The following ABCA12 variants were observed in gnomAD, a reference collection of about 807,000 sequenced individuals.
ABCA12 encodes glucosylceramide transporter ABCA12.
In ABCA12, 156 loss-of-function variants were observed where a neutral mutation model predicts 293.5. The ratio of observed to expected loss-of-function variants is 0.53; its 90% CI spans 0.47 to 0.61. The LOEUF is 0.61. ABCA12 is among the 20% of genes least tolerant of loss of function. ABCA12 has a pLI of 0.00. For missense variants in ABCA12, 2,797 were observed against 3,090.2 expected (o/e 0.91, Z 2.25); for synonymous variants, 1,063 against 1,108.0 (o/e 0.96, Z 0.81).
chr2:215,074,119 A>G (rs1175162209), intron 2 of ABCA12, among the ~76,000 whole-genome samples: 4 of 152,176 alleles, frequency 2.6e-5, no homozygotes, highest in African/African-American at 9.7e-5. Flanking sequence ...CCTGGGAATG[A>G]ATATTCCATG....
intron 39 of ABCA12, among the ~76,000 whole-genome samples, chr2:214,959,304 C>T (rs189482883): frequency 6.6e-6 from 1 of 151,888 alleles, no homozygotes; most frequent in East Asian, 1.9e-4. Flanking sequence ...TGTTTAGAAC[C>T]TTTGGGAAGG....
chr2:214,994,553 T>C (rs1303227547), intron 23 of ABCA12, among the ~76,000 whole-genome samples: 1 of 152,262 alleles, frequency 6.6e-6, no homozygotes, highest in Non-Finnish European at 1.5e-5. Context: ...GAGCAATGTC[T>C]TCATTCAATT....
intron 2 of ABCA12, among the ~76,000 whole-genome samples, chr2:215,088,942 A>T (rs897301526): frequency 6.6e-6 from 1 of 152,174 alleles, no homozygotes; most frequent in East Asian, 1.9e-4. Flanking sequence ...ATTCATGTAT[A>T]TCATTCATAT....
chr2:215,055,703 G>GGAAAAAGAAAAA (rs71041984), intron 3 of ABCA12, among the ~76,000 whole-genome samples: 1 of 150,518 alleles, frequency 6.6e-6, no homozygotes, highest in Non-Finnish European at 1.5e-5. Context: ...GTTTATAATT[G>GGAAAAAGAAAAA]GAAAAAGAAA....
intron 7 of ABCA12, among the ~76,000 whole-genome samples, chr2:215,037,327 T>A (rs1267033962): frequency 2.0e-5 from 3 of 152,134 alleles, no homozygotes; most frequent in African/African-American, 7.2e-5. Flanking sequence ...TGGAGCAAGG[T>A]TCCCATCAAT....
chr2:215,115,062 A>T (rs1231320061), intron 1 of ABCA12, among the ~76,000 whole-genome samples: 2 of 152,184 alleles, frequency 1.3e-5, no homozygotes, highest in African/African-American at 4.8e-5. Flanking sequence ...AATTAATTTT[A>T]AACATATTTT....
intron 2 of ABCA12, among the ~76,000 whole-genome samples, chr2:215,095,052 C>G (rs561787790): frequency 2.0e-5 from 3 of 152,166 alleles, no homozygotes; most frequent in Admixed American, 2.0e-4. Flanking sequence ...GCCCTGTCCC[C>G]CTCATGACAG....
intron 4 of ABCA12, 50 bp downstream of exon 4, chr2:215,054,523 T>C: frequency 3.5e-6 from 5 of 1,438,996 alleles, no homozygotes; most frequent in Non-Finnish European, 4.9e-6. Context: ...GATTAGACCT[T>C]TACTGTTCCA....
At chr2:215,005,296 G>A (rs1020641749) in intron 19 of ABCA12, among the ~76,000 whole-genome samples, 4 of 152,186 alleles carry the variant, frequency 2.6e-5, no homozygotes, top group Non-Finnish European at 5.9e-5. Flanking sequence ...TTCATCACAT[G>A]TGTAAATTCA....
chr2:215,000,479 A>C (rs1370902264), intron 22 of ABCA12, among the ~76,000 whole-genome samples: 2 of 152,168 alleles, frequency 1.3e-5, no homozygotes, highest in African/African-American at 4.8e-5. Context: ...TTGGAGAGCT[A>C]AGGGTTTTTA....
chr2:215,032,017 T>G, intron 8 of ABCA12, 121 bp from the exon 9 acceptor site: 2 of 1,562,628 alleles, frequency 1.3e-6, no homozygotes, highest in Non-Finnish European at 1.7e-6. Flanking sequence ...TGCAGAATCA[T>G]TCTCAAAAGA....
intron 50 of ABCA12, among the ~76,000 whole-genome samples, chr2:214,940,765 TATA>T (rs899728218): frequency 6.6e-6 from 1 of 152,144 alleles, no homozygotes; most frequent in Non-Finnish European, 1.5e-5. Flanking sequence ...TAGAAGTGTT[TATA>T]GTATTCTCTG....
chr2:215,052,848 T>A (rs752407346), intron 4 of ABCA12, among the ~76,000 whole-genome samples: 1 of 152,096 alleles, frequency 6.6e-6, no homozygotes, highest in Non-Finnish European at 1.5e-5. Context: ...TTCCAGTCGG[T>A]GACATTAAAC....
intron 2 of ABCA12, among the ~76,000 whole-genome samples, chr2:215,096,911 A>C (rs542619383): frequency 8.6e-4 from 131 of 152,268 alleles, no homozygotes; most frequent in Middle Eastern, 3.4e-3. Context: ...CTCATTTCCC[A>C]GTAGAATCTA....
chr2:215,119,389 T>C (rs191072983), intron 1 of ABCA12, among the ~76,000 whole-genome samples: 3 of 152,346 alleles, frequency 2.0e-5, no homozygotes, highest in Admixed American at 2.0e-4. Flanking sequence ...AAGGCCAATG[T>C]TGAGAAGGGT....
chr2:215,116,734 C>T (rs994552399), intron 1 of ABCA12, among the ~76,000 whole-genome samples: 9 of 152,220 alleles, frequency 5.9e-5, no homozygotes, highest in Non-Finnish European at 8.8e-5. Context: ...TCATGCACAA[C>T]CTAATGTGAT....
At position 215,064,196 on chromosome 2, in the gene ABCA12, G is replaced by A; in HGVS notation, c.187C>T (p.Pro63Ser). Residue 63 changes from proline to serine, a missense_variant, in exon 3 of 53, where the codon CCT (proline) becomes TCT (serine). By Grantham distance (74) the Pro-to-Ser change is moderately conservative (BLOSUM62 -1). Coordinates refer to ENST00000272895, the MANE Select transcript of ABCA12 (RefSeq NM_173076.3). Reference sequence around the variant, plus strand: ...AGGAATGGAAAGAATCCAGTACTAGGAAGGTTTCGAGGTGCGAGGTAACCT... The same window carrying A: ...AGGAATGGAAAGAATCCAGTACTAGAAAGGTTTCGAGGTGCGAGGTAACCT... ...PTCYLAPRNL[P>S]STGFFPFLQT... 6.2e-7 allele frequency: 1 copy of A among 1,612,676 alleles called. No individual in the cohort carries two copies. The highest frequency in any genetic ancestry group is 8.5e-7 in the Non-Finnish European group (1 of 1,179,118).
At chr2:215,095,578 C>G (rs1702234084) in intron 2 of ABCA12, among the ~76,000 whole-genome samples, 1 of 152,134 alleles carries the variant, frequency 6.6e-6, no homozygotes, top group Non-Finnish European at 1.5e-5. Context: ...CACGCATTAT[C>G]TCTCCATACC....
Position 215,087,624 on chromosome 2 carries a change from C to A in ABCA12, c.164-23405G>T, listed in dbSNP as rs1031888218. Among the ~76,000 whole-genome samples the A allele has an allele frequency of 8.6e-5, 13 of 151,990 alleles. No homozygotes were observed. The South Asian group carries it at 2.5e-3, about 29-fold the overall frequency. On this transcript the variant is annotated intron_variant, in intron 2 of 52. Transcript: ENST00000272895. ...TTCTTCTTACGCTAATAGAGTCATGCACAGGGTATGATATTAAAGGATGAA... is the reference window on the plus strand; with the variant it reads ...TTCTTCTTACGCTAATAGAGTCATGAACAGGGTATGATATTAAAGGATGAA...
Sources: gnomAD v4.1 joint callset for allele counts (sites outside exome capture counted in the v4.1 genomes callset) on GRCh38, gnomAD v4.1.1 for gene constraint, MANE v1.5 for transcripts, NCBI Gene and HGNC (gene_info 2026-07-23, HGNC 2026-07-21) for gene names.